Variants in PTPRG observed in about 807,000 individuals in gnomAD.
PTPRG encodes protein tyrosine phosphatase receptor type G.
A neutral mutation model predicts 165.3 loss-of-function variants in PTPRG; 102 were observed. That is an observed-to-expected ratio of 0.62 (90% CI 0.53 to 0.73). The LOEUF (loss-of-function observed/expected upper bound fraction) is 0.73, where lower values mean the gene tolerates loss of function less well. Ranked by LOEUF, PTPRG falls within the 30% of genes least tolerant of loss-of-function variation. PTPRG has a pLI of 0.00. For missense variants in PTPRG, 1,866 were observed against 1,861.4 expected, an observed-to-expected ratio of 1.00 and a Z score of -0.05; for synonymous variants, 675 against 669.5, an observed-to-expected ratio of 1.01 and a Z score of -0.13.
chr3:62,045,292 C>T (rs989242887), intron 4 of PTPRG, among the ~76,000 whole-genome samples: 1 of 152,130 alleles, frequency 6.6e-6, no homozygotes, highest in African/African-American at 2.4e-5. Flanking sequence ...CCAATTAAGG[C>T]TATTTGGTTT....
At chr3:61,664,104 C>T (rs1180305350) in intron 1 of PTPRG, among the ~76,000 whole-genome samples, 1 of 152,182 alleles carries the variant, frequency 6.6e-6, no homozygotes, top group East Asian at 1.9e-4. Context: ...CAGAATTAGC[C>T]TTGGTAATTC....
intron 6 of PTPRG, 99 bp downstream of exon 6, chr3:62,132,767 C>T: frequency 9.3e-7 from 1 of 1,074,096 alleles, no homozygotes; most frequent in Non-Finnish European, 1.4e-6. Context: ...AGGGTGACAC[C>T]TATTCCTCAT....
At chr3:62,225,530 T>TC (rs1478461460) in intron 13 of PTPRG, among the ~76,000 whole-genome samples, 43 of 152,080 alleles carry the variant, frequency 2.8e-4, no homozygotes, top group African/African-American at 1.0e-3. Context: ...TTTTTTTTTT[T>TC]CTGTAATCCT....
At chr3:61,793,256 T>G (rs2034942170) in intron 2 of PTPRG, among the ~76,000 whole-genome samples, 1 of 152,140 alleles carries the variant, frequency 6.6e-6, no homozygotes, top group African/African-American at 2.4e-5. Context: ...TCTCTTTCAC[T>G]TGAATGGATA....
intron 1 of PTPRG, among the ~76,000 whole-genome samples, chr3:61,653,168 C>T (rs531550506): frequency 5.9e-5 from 9 of 151,958 alleles, no homozygotes; most frequent in East Asian, 1.9e-4. Flanking sequence ...GTCACTACAT[C>T]CTGATAGTTT....
intron 8 of PTPRG, among the ~76,000 whole-genome samples, chr3:62,172,891 T>A (rs1338741507): frequency 6.6e-6 from 1 of 152,208 alleles, no homozygotes; most frequent in African/African-American, 2.4e-5. Context: ...CGGGCTGTTG[T>A]CACAGAAGAA....
At chr3:61,602,632 A>G (rs1700901483) in intron 1 of PTPRG, among the ~76,000 whole-genome samples, 1 of 152,166 alleles carries the variant, frequency 6.6e-6, no homozygotes, top group African/African-American at 2.4e-5. Context: ...GTCTATTACT[A>G]TCTTGACAGT....
At chr3:62,135,248 G>A (rs1703663037) in intron 6 of PTPRG, among the ~76,000 whole-genome samples, 1 of 150,096 alleles carries the variant, frequency 6.7e-6, no homozygotes, top group Admixed American at 6.6e-5. Context: ...TCCAGCCTGG[G>A]TGACAGAGTG....
At position 61,722,783 on chromosome 3, in the gene PTPRG, C is replaced by T. The variant is rs566386017; in HGVS notation, c.86-26095C>T. ...TTTTAAACTGCCTTTTAAAATTTTCCTTCAGACGGGGTGTACTATCTGGCA... is the reference window on the plus strand; with the variant it reads ...TTTTAAACTGCCTTTTAAAATTTTCTTTCAGACGGGGTGTACTATCTGGCA... On this transcript the variant is annotated intron_variant, in intron 1 of 29. Coordinates refer to ENST00000474889, the MANE Select transcript of PTPRG (RefSeq NM_002841.4). Among the ~76,000 whole-genome samples, 6 of 152,046 alleles carry T rather than the reference C, an allele frequency of 3.9e-5. No homozygotes were observed. In the South Asian group the frequency reaches 1.2e-3, roughly 32 times the overall value.
At chr3:62,060,719 T>C (rs1700780739) in intron 4 of PTPRG, among the ~76,000 whole-genome samples, 1 of 152,234 alleles carries the variant, frequency 6.6e-6, no homozygotes, top group South Asian at 2.1e-4. Context: ...TAAACAATAC[T>C]GAAGGTATGG....
At chr3:62,289,150 TGAATGTGCCTTATTTATTCAACCTCA>T (rs549865657) in intron 28 of PTPRG, among the ~76,000 whole-genome samples, 63 of 152,314 alleles carry the variant, frequency 4.1e-4, no homozygotes, top group East Asian at 1.5e-3. Context: ...TTACTTCACC[TGAATGTGCCTTATTTATTCAACCTCA>T]GAATGTGCCT....
chr3:61,806,780 C>G (rs929157211), intron 2 of PTPRG, among the ~76,000 whole-genome samples: 1 of 152,120 alleles, frequency 6.6e-6, no homozygotes, highest in African/African-American at 2.4e-5. Context: ...CTCATAAAAC[C>G]AGTGTCTACA....
chr3:61,873,239 C>G (rs1466858165), intron 2 of PTPRG, among the ~76,000 whole-genome samples: 2 of 152,132 alleles, frequency 1.3e-5, no homozygotes, highest in Non-Finnish European at 2.9e-5. Flanking sequence ...GCTACAGCCT[C>G]AATGACATTC....
rs1700824123 is a variant in PTPRG, at chr3:62,228,691, A to G, written c.2289-2534A>G. The stretch of plus-strand genomic sequence containing the variant: ...AAAGCAAAGTCCACTGTTAACGGGT[A>G]GAATCAGATTCTTTTCTGGAAGATT... On this transcript the variant is annotated intron_variant, in intron 13 of 29. Transcript: ENST00000474889. This position sits in a 1 kb window ranked among gnomAD's most constrained non-coding sequence, Gnocchi z 4.1. Among the ~76,000 whole-genome samples, 1 of 152,176 alleles carries G rather than the reference A, an allele frequency of 6.6e-6. No individual in the cohort carries two copies. The highest frequency in any genetic ancestry group is 1.5e-5 in the Non-Finnish European group (1 of 68,018).
chr3:62,100,576 C>G (rs1351782238), intron 5 of PTPRG, among the ~76,000 whole-genome samples: 1 of 152,002 alleles, frequency 6.6e-6, no homozygotes, highest in Admixed American at 6.6e-5. Flanking sequence ...GGATGTTTTT[C>G]TGCTTTCCAA....
At chr3:61,930,417 T>C (rs534783825) in intron 2 of PTPRG, among the ~76,000 whole-genome samples, 1 of 152,320 alleles carries the variant, frequency 6.6e-6, no homozygotes, top group African/African-American at 2.4e-5. Context: ...CGTCTCCCCC[T>C]GTCTTCTCAG....
chr3:61,608,216 T>A, intron 1 of PTPRG, among the ~76,000 whole-genome samples: 1 of 152,108 alleles, frequency 6.6e-6, no homozygotes, highest in East Asian at 1.9e-4. Context: ...TGTACAGATA[T>A]CTGTCCTCCT....
intron 1 of PTPRG, among the ~76,000 whole-genome samples, chr3:61,608,673 G>A (rs964518389): frequency 3.9e-5 from 6 of 152,162 alleles, no homozygotes; most frequent in African/African-American, 4.8e-5. Context: ...ACTCCCATTT[G>A]TGTGAAACAA....
intron 1 of PTPRG, among the ~76,000 whole-genome samples, chr3:61,576,158 A>G (rs576262611): frequency 4.2e-4 from 64 of 152,286 alleles, no homozygotes; most frequent in African/African-American, 1.5e-3. Context: ...TGATGAATTA[A>G]GGCTCACAGG....
Sources: gnomAD v4.1 joint callset for allele counts (sites outside exome capture counted in the v4.1 genomes callset) on GRCh38, gnomAD v4.1.1 for gene constraint, Gnocchi (gnomAD v3.1) non-coding constraint, MANE v1.5 for transcripts, NCBI Gene and HGNC (gene_info 2026-07-23, HGNC 2026-07-21) for gene names.